The following PRUNE2 variants were observed in gnomAD, a reference collection of about 807,000 sequenced individuals.
PRUNE2 encodes prune homolog 2 with BCH domain.
Under a neutral mutation model 252.0 loss-of-function variants are expected in PRUNE2, and 164 were observed. That is an observed-to-expected ratio of 0.65 (90% CI 0.57 to 0.74). The LOEUF (loss-of-function observed/expected upper bound fraction) is 0.74. Ranked by LOEUF, PRUNE2 falls within the 30% of genes least tolerant of loss-of-function variation. The probability of loss-of-function intolerance (pLI) is 0.00; values close to 1 mark genes in which losing one functional copy is unlikely to be tolerated. For synonymous variants in PRUNE2, 1,292 were observed against 1,350.2 expected, an observed-to-expected ratio of 0.96 and a Z score of 0.94; for missense variants, 3,495 against 3,711.0, an observed-to-expected ratio of 0.94 and a Z score of 1.51.
At chr9:76,805,232 G>C (rs1366312775) in intron 6 of PRUNE2, among the ~76,000 whole-genome samples, 2 of 152,212 alleles carry the variant, frequency 1.3e-5, no homozygotes, top group Non-Finnish European at 2.9e-5. Flanking sequence ...AGGCCACCCT[G>C]CATCAGCCAG....
At chr9:76,645,211 A>G in intron 11 of PRUNE2, 1 of 262,722 alleles carries the variant, frequency 3.8e-6, no homozygotes, top group Non-Finnish European at 7.3e-6. Flanking sequence ...TTGCATGGGT[A>G]GTGGTCCAAG....
At chr9:76,693,985 T>C (rs1171742907) in intron 9 of PRUNE2, among the ~76,000 whole-genome samples, 3 of 151,972 alleles carry the variant, frequency 2.0e-5, no homozygotes, top group Non-Finnish European at 2.9e-5. Flanking sequence ...TCCCAAATCA[T>C]TAGGGGAGAA....
chr9:76,745,006 CA>C (rs1171782826), intron 6 of PRUNE2, among the ~76,000 whole-genome samples: 1 of 152,172 alleles, frequency 6.6e-6, no homozygotes, highest in African/African-American at 2.4e-5. Flanking sequence ...TTACCATGAC[CA>C]TACATTTATT....
chr9:76,888,896 G>A (rs1260221198), intron 1 of PRUNE2, among the ~76,000 whole-genome samples: 1 of 152,106 alleles, frequency 6.6e-6, no homozygotes, highest in African/African-American at 2.4e-5. Context: ...AGGCTGAAGT[G>A]CAGTGGCATG....
chr9:76,884,561 G>A (rs1298861072), intron 1 of PRUNE2, among the ~76,000 whole-genome samples: 2 of 152,202 alleles, frequency 1.3e-5, no homozygotes, highest in African/African-American at 4.8e-5. Flanking sequence ...GACTTTATGT[G>A]CACAGTGCTG....
chr9:76,854,007 ATTAAG>A (rs1207801558), intron 2 of PRUNE2, 92 bp downstream of exon 2: 8 of 583,306 alleles, frequency 1.4e-5, no homozygotes, highest in Non-Finnish European at 2.1e-5. Context: ...AACATTAAAA[ATTAAG>A]TTAATAGGTT....
rs55702049 is a variant in PRUNE2, at chr9:76,897,390, C to CTT, written c.36+8536_36+8537dup. 3.3e-3 allele frequency among the ~76,000 whole-genome samples: 188 copies of CTT among 56,300 alleles called. 55 individuals are homozygous for CTT. Among genetic ancestry groups the CTT allele is most frequent in the Non-Finnish European group, 5.8e-3 (160 of 27,578 alleles). 36.9% of individuals were successfully genotyped at this position (56,300 alleles called of 152,430 possible). The stretch of plus-strand genomic sequence containing the variant: ...TGGCTATGCAACCTTAGGCAAACCT[C>CTT]TTTTTTTTTTTTTTTTTTTTTTTTT... On this transcript the variant is annotated intron_variant, in intron 1 of 18. Transcript: ENST00000376718.
At chr9:76,635,481 C>T (rs13297013) in intron 15 of PRUNE2, among the ~76,000 whole-genome samples, 30,795 of 151,972 alleles carry the variant, frequency 0.2, 3,264 homozygotes, top group Non-Finnish European at 0.22. Flanking sequence ...AACAGTATAT[C>T]ATGTGATTGT....
rs2057317842 is a variant in PRUNE2, at chr9:76,810,964, TCTCAGGAGCG to T, written c.756+12658_756+12667del. Among the ~76,000 whole-genome samples the T allele has an allele frequency of 4.6e-5, 7 of 152,294 alleles. No homozygotes were observed. In the South Asian group the frequency reaches 1.5e-3, roughly 32 times the overall value. On this transcript the variant is annotated intron_variant, in intron 6 of 18. Coordinates refer to ENST00000376718, the MANE Select transcript of PRUNE2 (RefSeq NM_015225.3). ...TAACCATTAAAATATTGCATATGATTCTCAGGAGCGTTACAGACAAACTAATTTAAACCAA... is the reference window on the plus strand; with the variant it reads ...TAACCATTAAAATATTGCATATGATTTTACAGACAAACTAATTTAAACCAA...
chr9:76,887,313 C>T (rs757381468), intron 1 of PRUNE2, among the ~76,000 whole-genome samples: 12 of 151,980 alleles, frequency 7.9e-5, no homozygotes, highest in Non-Finnish European at 1.3e-4. Context: ...TTGAAACTGT[C>T]CCCCAAATCT....
chr9:76,711,096 A>C lies in PRUNE2; in HGVS notation c.1178T>G (p.Ile393Arg). Reference protein sequence around the residue: ...SGIMELYGSDIEPQPSSVNFI... With the variant: ...SGIMELYGSDREPQPSSVNFI... ...ATTCACAGAGCTGGGTTGTGGCTCT[A>C]TGTCAGAACCATACAATTCCATAAT... is the stretch of plus-strand genomic sequence containing the variant. Residue 393 changes from isoleucine (I) to arginine (R), a missense_variant, in exon 8 of 19, where the codon ATA (isoleucine) becomes AGA (arginine). Ile to Arg is a moderately conservative substitution (Grantham distance 97, BLOSUM62 -3). Transcript: ENST00000376718. 6.2e-7 allele frequency: 1 copy of C among 1,613,954 alleles called. No individual in the cohort carries two copies. Among genetic ancestry groups the C allele is most frequent in the East Asian group, 2.2e-5 (1 of 44,874 alleles).
chr9:76,677,094 G>C lies in PRUNE2; in HGVS notation c.8277-21592C>G, dbSNP rs547081763. 3.3e-5 allele frequency among the ~76,000 whole-genome samples: 5 copies of C among 152,302 alleles called. No individual in the cohort carries two copies. In the South Asian group the frequency reaches 1.0e-3, roughly 32 times the overall value. On this transcript the variant is annotated intron_variant, in intron 9 of 18. Coordinates refer to ENST00000376718, the MANE Select transcript of PRUNE2 (RefSeq NM_015225.3). ...TTGGCTGATTCATCTTTCGCAATAG[G>C]TTGATTTAAATGTATCTAATTCTAT...
chr9:76,892,069 C>CCG (rs371411177), intron 1 of PRUNE2, among the ~76,000 whole-genome samples: 1 of 151,874 alleles, frequency 6.6e-6, no homozygotes, highest in Non-Finnish European at 1.5e-5. Context: ...AGTAGCCCCC[C>CCG]CAGCCAGATT....
chr9:76,881,911 G>A (rs1425018705), intron 1 of PRUNE2, among the ~76,000 whole-genome samples: 8 of 152,138 alleles, frequency 5.3e-5, no homozygotes, highest in African/African-American at 1.4e-4. Flanking sequence ...GTGAGCCACC[G>A]CACCTGGCCC....
At chr9:76,637,851 G>A (rs7038619) in intron 13 of PRUNE2, among the ~76,000 whole-genome samples, 7,594 of 152,194 alleles carry the variant, frequency 0.05, 439 homozygotes, top group East Asian at 0.16. Context: ...TTAAATAAGG[G>A]CAGATATTAA....
chr9:76,735,580 G>C (rs1018026228), intron 6 of PRUNE2, among the ~76,000 whole-genome samples: 19 of 151,944 alleles, frequency 1.3e-4, no homozygotes, highest in African/African-American at 4.4e-4. Context: ...GGCTGACCAT[G>C]GAAGACTTTA....
At chr9:76,819,241 C>G (rs56370399) in intron 6 of PRUNE2, 3 of 151,884 alleles carry the variant, frequency 2.0e-5, no homozygotes, top group Non-Finnish European at 2.9e-5. Context: ...CAGGGCAAGA[C>G]GCTGTCTCAA....
intron 6 of PRUNE2, among the ~76,000 whole-genome samples, chr9:76,794,328 G>A (rs890847645): frequency 4.6e-5 from 7 of 152,166 alleles, no homozygotes; most frequent in Non-Finnish European, 8.8e-5. Context: ...CAAAGAGCGC[G>A]GCCTCCGAGC....
chr9:76,656,371 G>C (rs1563933492), intron 9 of PRUNE2, among the ~76,000 whole-genome samples: 3 of 151,964 alleles, frequency 2.0e-5, no homozygotes, highest in African/African-American at 7.3e-5. Flanking sequence ...ATTCACCTAG[G>C]GTGAGTCCTT....
Sources: allele counts gnomAD v4.1 joint callset (sites outside exome capture counted in the v4.1 genomes callset), GRCh38; gene constraint gnomAD v4.1.1; transcripts MANE v1.5; gene names NCBI Gene and HGNC (gene_info 2026-07-23, HGNC 2026-07-21).